Variants in RBFOX1 observed in about 807,000 individuals in gnomAD.
RBFOX1 encodes RNA binding fox-1 homolog 1.
A neutral mutation model predicts 57.7 loss-of-function variants in RBFOX1; 8 were observed. The observed-to-expected ratio is 0.14, with a 90% CI of 0.08 to 0.25. The LOEUF is 0.25. Among genes scored for constraint, RBFOX1 ranks in the 10% least tolerant of loss-of-function variants. RBFOX1 has a pLI of 1.00. For missense variants in RBFOX1, 611 were observed against 548.5 expected, an observed-to-expected ratio of 1.11 and a Z score of -1.14; for synonymous variants, 326 against 222.4, an observed-to-expected ratio of 1.47 and a Z score of -4.15.
chr16:7,448,927 GTTTTTTTT>G (rs71147700), intron 4 of RBFOX1, among the ~76,000 whole-genome samples: 3 of 82,964 alleles, frequency 3.6e-5, no homozygotes, highest in African/African-American at 1.4e-4. Context: ...TCTTTCCCCT[GTTTTTTTT>G]TTTTTTTTTT....
At chr16:5,527,930 T>A (rs2044307519) in intron 2 of RBFOX1, among the ~76,000 whole-genome samples, 1 of 152,168 alleles carries the variant, frequency 6.6e-6, no homozygotes, top group Non-Finnish European at 1.5e-5. Context: ...CACAGTGACT[T>A]CTACCTTTAT....
chr16:7,096,931 CAAAAAAAAAA>C (rs59519427), intron 4 of RBFOX1, among the ~76,000 whole-genome samples: 5 of 69,116 alleles, frequency 7.2e-5, no homozygotes, highest in Non-Finnish European at 1.0e-4. Context: ...GACTCCATCT[CAAAAAAAAAA>C]AAAAAAAAAA....
intron 1 of RBFOX1, among the ~76,000 whole-genome samples, chr16:5,315,318 C>G (rs145389978): frequency 5.9e-5 from 9 of 152,246 alleles, no homozygotes; most frequent in Middle Eastern, 6.8e-3. Context: ...ATGTTTAATT[C>G]CACTATTATT....
At chr16:5,804,870 G>C (rs200342523) in intron 3 of RBFOX1, among the ~76,000 whole-genome samples, 1 of 152,180 alleles carries the variant, frequency 6.6e-6, no homozygotes, top group African/African-American at 2.4e-5. Context: ...GTGCAGGGCA[G>C]CTCTGATGGA....
At position 5,593,824 on chromosome 16, in the gene RBFOX1, C is replaced by A. The variant is rs377124145; in HGVS notation, c.259-5078C>A. Among the ~76,000 whole-genome samples the A allele has an allele frequency of 3.9e-5, 6 of 152,266 alleles. No homozygotes were observed. In the South Asian group the frequency reaches 1.0e-3, roughly 26 times the overall value. ...ACTTGCTTTTGCTTTACTGTGGAGTCGCCCTGAATTCTTTCTTGCGCGAGA... is the reference window on the plus strand; with the variant it reads ...ACTTGCTTTTGCTTTACTGTGGAGTAGCCCTGAATTCTTTCTTGCGCGAGA... On this transcript the variant is annotated intron_variant, in intron 2 of 2. Coordinates refer to the RBFOX1 transcript ENST00000585867.
At chr16:7,696,782 A>C (rs1388356109) in intron 14 of RBFOX1, among the ~76,000 whole-genome samples, 1 of 152,180 alleles carries the variant, frequency 6.6e-6, no homozygotes, top group African/African-American at 2.4e-5. Flanking sequence ...GTGCAATGCT[A>C]TTTTAGACTC....
At chr16:7,574,811 T>C (rs542658767) in intron 5 of RBFOX1, among the ~76,000 whole-genome samples, 2 of 152,232 alleles carry the variant, frequency 1.3e-5, no homozygotes, top group South Asian at 2.1e-4. Context: ...ACAACTCCTA[T>C]TGACAGATGA....
intron 3 of RBFOX1, among the ~76,000 whole-genome samples, chr16:5,806,963 A>C (rs377418611): frequency 7.2e-5 from 11 of 152,132 alleles, no homozygotes; most frequent in African/African-American, 2.2e-4. Flanking sequence ...GAAGAGAAGG[A>C]ATAGTTAGAA....
chr16:5,809,940 G>C (rs1272540026), intron 3 of RBFOX1, among the ~76,000 whole-genome samples: 1 of 152,114 alleles, frequency 6.6e-6, no homozygotes, highest in Non-Finnish European at 1.5e-5. Context: ...GTCCAACAAT[G>C]ATAGACTGGA....
At chr16:6,980,191 C>A (rs576327859) in intron 3 of RBFOX1, among the ~76,000 whole-genome samples, 1 of 152,106 alleles carries the variant, frequency 6.6e-6, no homozygotes, top group African/African-American at 2.4e-5. Flanking sequence ...TTATTTGCAT[C>A]CAAAAGCAAT....
chr16:5,396,050 G>A (rs538099321), intron 1 of RBFOX1, among the ~76,000 whole-genome samples: 1 of 152,340 alleles, frequency 6.6e-6, no homozygotes, highest in African/African-American at 2.4e-5. Context: ...ACTAAGCCAT[G>A]CCTAGACCTG....
At chr16:6,601,348 C>G (rs944273732) in intron 2 of RBFOX1, among the ~76,000 whole-genome samples, 2 of 152,072 alleles carry the variant, frequency 1.3e-5, no homozygotes, top group South Asian at 4.1e-4. Context: ...AGTTTCTTGT[C>G]TACTTGGTTA....
chr16:5,401,359 A>G (rs1319663362), intron 1 of RBFOX1, among the ~76,000 whole-genome samples: 1 of 152,056 alleles, frequency 6.6e-6, no homozygotes, highest in East Asian at 1.9e-4. Flanking sequence ...CCTTTAGCGT[A>G]TGATCAATGT....
intron 3 of RBFOX1, among the ~76,000 whole-genome samples, chr16:5,734,702 C>T (rs2052509674): frequency 6.6e-6 from 1 of 152,182 alleles, no homozygotes; most frequent in Non-Finnish European, 1.5e-5. Context: ...GGCAGCAGCT[C>T]TCAGATGACT....
chr16:6,649,644 C>G (rs2098562225), intron 2 of RBFOX1, among the ~76,000 whole-genome samples: 1 of 152,156 alleles, frequency 6.6e-6, no homozygotes, highest in Non-Finnish European at 1.5e-5. Context: ...ACTTGTTTCA[C>G]TTAGAATAAT....
At chr16:6,453,905 T>C (rs1018347180) in intron 2 of RBFOX1, among the ~76,000 whole-genome samples, 1 of 152,254 alleles carries the variant, frequency 6.6e-6, no homozygotes, top group Non-Finnish European at 1.5e-5. Context: ...TGCCACAGAC[T>C]GTTTGGCTTA....
At chr16:6,761,283 G>C (rs1375821784) in intron 3 of RBFOX1, among the ~76,000 whole-genome samples, 1 of 152,080 alleles carries the variant, frequency 6.6e-6, no homozygotes, top group Non-Finnish European at 1.5e-5. Context: ...GTGATTCAGA[G>C]AACTGACACT....
chr16:5,707,983 T>C (rs1762082351), intron 3 of RBFOX1, among the ~76,000 whole-genome samples: 1 of 152,146 alleles, frequency 6.6e-6, no homozygotes, highest in South Asian at 2.1e-4. Context: ...TCATCTCAGG[T>C]GAAATTTGGC....
chr16:7,068,051 C>T (rs898689137), intron 4 of RBFOX1, among the ~76,000 whole-genome samples: 41 of 150,164 alleles, frequency 2.7e-4, no homozygotes, highest in Non-Finnish European at 2.9e-5. Flanking sequence ...TCTCGTGCCT[C>T]TTCTTCTGTT....
Sources: gnomAD v4.1 joint callset for allele counts (sites outside exome capture counted in the v4.1 genomes callset) on GRCh38, gnomAD v4.1.1 for gene constraint, MANE v1.5 for transcripts, NCBI Gene and HGNC (gene_info 2026-07-23, HGNC 2026-07-21) for gene names.